Variants in FLNC observed in about 807,000 individuals in gnomAD.
FLNC encodes the protein filamin-C.
FLNC carries 91 observed loss-of-function variants against 254.3 expected under a neutral mutation model. That is an observed-to-expected ratio of 0.36 (90% CI 0.30 to 0.43). The LOEUF (loss-of-function observed/expected upper bound fraction) is 0.43. Ranked by LOEUF, FLNC falls within the 20% of genes least tolerant of loss-of-function variation. FLNC has a pLI of 1.00. For synonymous variants in FLNC, 1,430 were observed against 1,577.2 expected (o/e 0.91, Z 2.21); for missense variants, 2,853 against 3,802.6 (o/e 0.75, Z 6.57).
chr7:128,846,125 A>G lies in FLNC; in HGVS notation c.3926A>G (p.Asp1309Gly). The G allele has an allele frequency of 6.2e-7, 1 of 1,613,738 alleles. No individual in the cohort carries two copies. ...KTDTYVTDNG[D>G]GTYRVQYTAY... The stretch of plus-strand genomic sequence containing the variant: ...GACACCTATGTGACAGACAATGGGG[A>G]CGGCACCTACCGAGTGCAGTACACC... The change falls in exon 22 of 48, where the codon GAC becomes GGC. Residue 1309 changes from aspartate to glycine, a missense_variant. Transcript: ENST00000325888.
chr7:128,854,782 C>T lies in FLNC; in HGVS notation c.7005C>T (p.Phe2335=), dbSNP rs776737943. ...TACCTTGCCTGTCCCCAGCCGAGTT[C>T]AGCATCTGGACCCGGGAGGCTGGCG... is the stretch of plus-strand genomic sequence containing the variant. ...ERGVAGVPAE[F]SIWTREAGAG... The change falls in exon 42 of 48, where the codon TTC becomes TTT. Residue 2335 remains phenylalanine (F), a synonymous_variant. Coordinates refer to ENST00000325888, the MANE Select transcript of FLNC (RefSeq NM_001458.5). 2 of 1,614,128 alleles carry T rather than the reference C, an allele frequency of 1.2e-6. No individual in the cohort carries two copies. Among genetic ancestry groups the T allele is most frequent in the Admixed American group, 1.7e-5 (1 of 60,024 alleles).
chr7:128,849,136 C>A, intron 28 of FLNC, 45 bp from the exon 29 acceptor site: 1 of 1,606,332 alleles, frequency 6.2e-7, no homozygotes, highest in Non-Finnish European at 8.5e-7. Flanking sequence ...AATGCCCCAG[C>A]CCACGTTGAG....
Position 128,841,462 on chromosome 7 carries a change from C to G in FLNC, c.2016C>G (p.Ala672=). Residue 672 remains alanine (A), a synonymous_variant, in exon 13 of 48, where the codon GCC becomes GCG. Coordinates refer to ENST00000325888, the MANE Select transcript of FLNC (RefSeq NM_001458.5). This position sits in a 1 kb window ranked among gnomAD's most constrained non-coding sequence, Gnocchi z 4.3. Reference sequence around the variant, plus strand: ...TTCTTCCCTCCGCACAGGTGAAGGCCTTTGGGCCTGGCCTGGAGCCTACCG... The same window carrying G: ...TTCTTCCCTCCGCACAGGTGAAGGCGTTTGGGCCTGGCCTGGAGCCTACCG... The part of the protein sequence containing the change: ...PPDCFPDKVK[A]FGPGLEPTGC... 6.2e-7 allele frequency: 1 copy of G among 1,614,090 alleles called. No individual in the cohort carries two copies.
At position 128,832,821 on chromosome 7, in the gene FLNC, C is replaced by T. The variant is rs534611824; in HGVS notation, c.352+1832C>T. Among the ~76,000 whole-genome samples the T allele has an allele frequency of 1.1e-4, 16 of 152,314 alleles. No homozygotes were observed. The East Asian group carries it at 2.9e-3, about 28-fold the overall frequency. On this transcript the variant is annotated intron_variant, in intron 1 of 47. Coordinates refer to ENST00000325888, the MANE Select transcript of FLNC (RefSeq NM_001458.5). ...GCTGAGGCTGGAGGGGAGGGGACAC[C>T]GGCAGCGACCAGCTGGGGCGCCCCA...
rs771092335 is a variant in FLNC, at chr7:128,843,295, G to C, written c.2617G>C (p.Glu873Gln). 5.0e-6 allele frequency: 8 copies of C among 1,612,770 alleles called. No individual in the cohort carries two copies. Among genetic ancestry groups the C allele is most frequent in the Non-Finnish European group, 6.8e-6 (8 of 1,179,452 alleles). Residue 873 changes from glutamate (E) to glutamine (Q), a missense_variant, in exon 17 of 48, where the codon GAG (glutamate) becomes CAG (glutamine). This residue lies in a region of FLNC where 1,573 missense variants were observed against 1,883.5 expected (regional missense o/e 0.84). Transcript: ENST00000325888. ...CCACGATGCCAGCAAAGTCAAGGCC[G>C]AGGGCCCTGGGCTGAATCGCACAGG... ...PSHDASKVKA[E>Q]GPGLNRTGVE...
rs1808375066 is a variant in FLNC, at chr7:128,842,460, G to T, written c.2265+86G>T. The T allele has an allele frequency of 6.2e-7, 1 of 1,600,638 alleles. No homozygotes were observed. Among genetic ancestry groups the T allele is most frequent in the African/African-American group, 1.3e-5 (1 of 74,628 alleles). ...CTCGCTGGAGTCCCTGTTGTCCCTGGGCTCAGGCTGGGACTGAGGCTTGGG... is the reference window on the plus strand; with the variant it reads ...CTCGCTGGAGTCCCTGTTGTCCCTGTGCTCAGGCTGGGACTGAGGCTTGGG... On this transcript the variant is annotated intron_variant, in intron 14 of 47. Coordinates refer to ENST00000325888, the MANE Select transcript of FLNC (RefSeq NM_001458.5). This position sits in a 1 kb window ranked among gnomAD's most constrained non-coding sequence, Gnocchi z 5.4.
chr7:128,845,928 G>T, intron 21 of FLNC, 62 bp from the exon 22 acceptor site: 1 of 1,470,364 alleles, frequency 6.8e-7, no homozygotes. Context: ...GGGGAGAGGA[G>T]AGGGAGCATC....
chr7:128,847,897 T>TG lies in FLNC; in HGVS notation c.4456+37dup, dbSNP rs533901277. On this transcript the variant is annotated intron_variant, in intron 25 of 47. Coordinates refer to ENST00000325888, the MANE Select transcript of FLNC (RefSeq NM_001458.5). ...ATGGCCGGGGCAGGGAGGAGGGAGG[T>TG]GGGGCGGGACGCCCGGAGGCTCTGC... 189 of 1,613,306 alleles carry TG rather than the reference T, an allele frequency of 1.2e-4. No individual in the cohort carries two copies. The African/African-American group carries it at 2.4e-3, about 20-fold the overall frequency.
chr7:128,842,251 C>A lies in FLNC; in HGVS notation c.2142C>A (p.Ile714=), dbSNP rs199595235. ...LYAQDADGCP[I]DIKVIPNGDG... is the part of the protein sequence containing the mutation. Reference sequence around the variant, plus strand: ...CACAGGACGCCGACGGCTGTCCCATCGACATCAAGGTGATCCCCAACGGCG... The same window carrying A: ...CACAGGACGCCGACGGCTGTCCCATAGACATCAAGGTGATCCCCAACGGCG... Residue 714 remains isoleucine, a synonymous_variant, in exon 14 of 48, where the codon ATC becomes ATA. Transcript: ENST00000325888. The surrounding 1 kb of genome is among the most constrained non-coding windows in gnomAD (Gnocchi z 5.4). 54 of 1,613,590 alleles carry A rather than the reference C, an allele frequency of 3.3e-5. No homozygotes were observed. Among genetic ancestry groups the A allele is most frequent in the Non-Finnish European group, 3.6e-5 (42 of 1,180,006 alleles).
chr7:128,843,188 G>T, intron 16 of FLNC, 41 bp from the exon 17 acceptor site: 1 of 1,528,504 alleles, frequency 6.5e-7, no homozygotes, highest in East Asian at 2.4e-5. Context: ...GCAGGGGTGT[G>T]TTCCCCTCGA....
At position 128,837,206 on chromosome 7, in the gene FLNC, G is replaced by C. The variant is rs1304547673; in HGVS notation, c.648G>C (p.Glu216Asp). The C allele has an allele frequency of 6.2e-7, 1 of 1,602,672 alleles. No individual in the cohort carries two copies. Among genetic ancestry groups the C allele is most frequent in the Admixed American group, 1.7e-5 (1 of 59,038 alleles). ...WEAWDPNQPV[E>D]NAREAMQQAD... ...CCTGGGACCCCAACCAGCCCGTGGA[G>C]AACGCCCGGGAGGCCATGCAGCAGG... Residue 216 changes from glutamate to aspartate, a missense_variant, in exon 3 of 48, where the codon GAG (glutamate) becomes GAC (aspartate). Physicochemically the swap from Glu to Asp is conservative, Grantham distance 45. This residue lies in a region of FLNC where 115 missense variants were observed against 230.3 expected (regional missense o/e 0.50). Coordinates refer to ENST00000325888, the MANE Select transcript of FLNC (RefSeq NM_001458.5).
rs374631384 is a variant in FLNC at position 128,851,579 on chromosome 7, C to T, written c.5793C>T (p.Arg1931=). Residue 1931 remains arginine, a synonymous_variant, in exon 35 of 48, where the codon CGC becomes CGT. Transcript: ENST00000325888. ...CTGGAGACTACAGCATCATCGTGCG[C>T]TTCGATGACAAGCACATCCCGGGGA... ...TAPGDYSIIV[R]FDDKHIPGSP... 4 of 1,613,902 alleles carry T rather than the reference C, an allele frequency of 2.5e-6. No homozygotes were observed. The highest frequency in any genetic ancestry group is 1.3e-5 in the African/African-American group (1 of 74,940).
In FLNC at chr7:128,842,622, C is replaced by A; in HGVS notation, c.2313C>A (p.Gly771=). 1.3e-6 allele frequency: 2 copies of A among 1,550,400 alleles called. No homozygotes were observed. Among genetic ancestry groups the A allele is most frequent in the Non-Finnish European group, 1.7e-6 (2 of 1,147,126 alleles). Residue 771 remains glycine, a synonymous_variant, in exon 15 of 48, where the codon GGC becomes GGA. Transcript: ENST00000325888. This position sits in a 1 kb window ranked among gnomAD's most constrained non-coding sequence, Gnocchi z 5.4. ...GSHPERVKVY[G]PGVEKTGLKA... is the part of the protein sequence containing the mutation. ...ACCCCGAGCGGGTAAAGGTGTACGG[C>A]CCCGGAGTGGAGAAGACAGGCCTCA...
chr7:128,834,156 C>G (rs568023605), intron 1 of FLNC, among the ~76,000 whole-genome samples: 70 of 152,346 alleles, frequency 4.6e-4, no homozygotes, highest in African/African-American at 1.3e-3. Context: ...TCTTCCACCC[C>G]CTTCCAGCCT....
chr7:128,840,408 G>T, intron 9 of FLNC, 140 bp from the exon 10 acceptor site: 1 of 1,151,026 alleles, frequency 8.7e-7, no homozygotes, highest in Non-Finnish European at 1.3e-6. Context: ...AGTGTTCCCT[G>T]CCCTGAGTTG....
chr7:128,845,350 A>T, intron 21 of FLNC, 95 bp downstream of exon 21: 1 of 1,032,516 alleles, frequency 9.7e-7, no homozygotes, highest in Non-Finnish European at 1.5e-6. Context: ...GAGCTGGAAG[A>T]GCAACCTGGG....
Position 128,858,725 on chromosome 7 carries a change from C to G in FLNC, c.*202C>G, listed in dbSNP as rs1199721991. On this transcript the variant is annotated 3_prime_UTR_variant, in exon 48 of 48. Transcript: ENST00000325888. The surrounding 1 kb of genome is among the most constrained non-coding windows in gnomAD (Gnocchi z 6.7). Reference sequence around the variant, plus strand: ...TTGGAGGACCTTGTCTGTGTCAGGACAGTGTCCCTCCCTGGGAATGTGACA... The same window carrying G: ...TTGGAGGACCTTGTCTGTGTCAGGAGAGTGTCCCTCCCTGGGAATGTGACA... 3 of 600,156 alleles carry G rather than the reference C, an allele frequency of 5.0e-6. No individual in the cohort carries two copies. The highest frequency in any genetic ancestry group is 9.0e-6 in the Non-Finnish European group (3 of 334,638). 37.2% of individuals were successfully genotyped at this position (600,156 alleles called of 1,614,324 possible).
chr7:128,837,105 G>A, intron 2 of FLNC, 55 bp from the exon 3 acceptor site: 1 of 1,227,538 alleles, frequency 8.1e-7, no homozygotes, highest in East Asian at 2.5e-5. Flanking sequence ...CAAATGCCCT[G>A]CATCCTGGCC....
At position 128,849,210 on chromosome 7, in the gene FLNC, TG is replaced by T; in HGVS notation, c.4951+7del. 1 of 1,613,934 alleles carries T rather than the reference TG, an allele frequency of 6.2e-7. No homozygotes were observed. Among genetic ancestry groups the T allele is most frequent in the Non-Finnish European group, 8.5e-7 (1 of 1,179,998 alleles). The stretch of plus-strand genomic sequence containing the variant: ...CATTGGAGGCCATGGCCTGGGTGAG[TG>T]CCCTTTCTCTCCTCTTCTTGGTGTG... On this transcript the variant is annotated splice_region_variant and intron_variant, in intron 29 of 47. Coordinates refer to ENST00000325888, the MANE Select transcript of FLNC (RefSeq NM_001458.5).
Sources: allele counts gnomAD v4.1 joint callset (sites outside exome capture counted in the v4.1 genomes callset), GRCh38; gene constraint gnomAD v4.1.1; regional missense constraint gnomAD v4.1.1; non-coding constraint Gnocchi (gnomAD v3.1); transcripts MANE v1.5; gene names NCBI Gene and HGNC (gene_info 2026-07-23, HGNC 2026-07-21).